Variants in FAM78B observed in about 807,000 individuals in gnomAD.
FAM78B encodes family with sequence similarity 78 member B.
A neutral mutation model predicts 20.0 loss-of-function variants in FAM78B; 10 were observed. That is an observed-to-expected ratio of 0.50 (90% CI 0.31 to 0.85). The LOEUF (loss-of-function observed/expected upper bound fraction) is 0.85. FAM78B is among the 40% of genes least tolerant of loss of function. The probability of loss-of-function intolerance (pLI) is 0.05; values close to 1 mark genes in which losing one functional copy is unlikely to be tolerated. For missense variants in FAM78B, 283 were observed against 345.0 expected, an observed-to-expected ratio of 0.82 and a Z score of 1.42; for synonymous variants, 135 against 132.8, an observed-to-expected ratio of 1.02 and a Z score of -0.12.
At chr1:166,136,558 C>A (rs1182764881) in intron 1 of FAM78B, among the ~76,000 whole-genome samples, 1 of 152,128 alleles carries the variant, frequency 6.6e-6, no homozygotes, top group African/African-American at 2.4e-5. Context: ...CCCCTCTTTA[C>A]AACAGCATAA....
In FAM78B at chr1:166,166,276, G is replaced by A. The variant is rs1179152701; in HGVS notation, c.-28C>T. On this transcript the variant is annotated 5_prime_UTR_variant, in exon 1 of 2. Coordinates refer to ENST00000354422, the MANE Select transcript of FAM78B (RefSeq NM_001017961.5). ...TGCAGCCCGGTGCCGGCACGGCGCGGCGTGGGGCAGCGCGGGGGCCCGCGC... is the reference window on the plus strand; with the variant it reads ...TGCAGCCCGGTGCCGGCACGGCGCGACGTGGGGCAGCGCGGGGGCCCGCGC... 3.8e-5 allele frequency: 49 copies of A among 1,273,888 alleles called. No individual in the cohort carries two copies. The highest frequency in any genetic ancestry group is 4.7e-5 in the Non-Finnish European group (47 of 1,007,844). The allele number at this position is 1,273,888 out of a possible 1,614,324, so 78.9% of individuals were successfully genotyped here.
intron 1 of FAM78B, among the ~76,000 whole-genome samples, chr1:166,094,105 C>A (rs1031898060): frequency 6.6e-6 from 1 of 151,002 alleles, no homozygotes; most frequent in Non-Finnish European, 1.5e-5. Flanking sequence ...GGAAGCAGGA[C>A]GTTGGGATGC....
In FAM78B at chr1:166,131,347, G is replaced by A. The variant is rs1032028001; in HGVS notation, c.263+34639C>T. 4.6e-5 allele frequency among the ~76,000 whole-genome samples: 7 copies of A among 152,162 alleles called. No individual in the cohort carries two copies. In the East Asian group the frequency reaches 1.3e-3, roughly 29 times the overall value. On this transcript the variant is annotated intron_variant, in intron 1 of 1. Coordinates refer to ENST00000354422, the MANE Select transcript of FAM78B (RefSeq NM_001017961.5). ...TAGTGTCTCCAAATTATGTAAGACA[G>A]TGAGAGGCAATGTCAGAAGCCCAGC... is the stretch of plus-strand genomic sequence containing the variant.
intron 1 of FAM78B, among the ~76,000 whole-genome samples, chr1:166,163,365 T>C (rs890950690): frequency 6.6e-6 from 1 of 152,226 alleles, no homozygotes; most frequent in Non-Finnish European, 1.5e-5. Context: ...TCAAATGTTC[T>C]TTTAGAAGCC....
chr1:166,101,151 C>A (rs1286430514), intron 1 of FAM78B, among the ~76,000 whole-genome samples: 2 of 152,194 alleles, frequency 1.3e-5, no homozygotes, highest in Non-Finnish European at 2.9e-5. Context: ...AGAAGGAAAA[C>A]TAACAAACAG....
intron 1 of FAM78B, among the ~76,000 whole-genome samples, chr1:166,072,326 C>A (rs570025207): frequency 6.6e-6 from 1 of 152,270 alleles, no homozygotes; most frequent in South Asian, 2.1e-4. Context: ...GAGGTGACCC[C>A]ACAGCTGCAA....
At chr1:166,101,802 A>C (rs1653531882) in intron 1 of FAM78B, among the ~76,000 whole-genome samples, 1 of 152,178 alleles carries the variant, frequency 6.6e-6, no homozygotes, top group Non-Finnish European at 1.5e-5. Flanking sequence ...ATTATCCAGG[A>C]GAACTTCCCC....
At chr1:166,057,318 C>CAT (rs976312558), downstream of FAM78B, 29 of 152,354 alleles carry the variant, frequency 1.9e-4, no homozygotes, top group Admixed American at 1.2e-3. Flanking sequence ...AGGATTCCTG[C>CAT]ATCTGCCCTC....
At chr1:166,057,822 G>A (rs1220067874) in exon 3 of FAM78B, 2 of 152,222 alleles carry the variant, frequency 1.3e-5, no homozygotes, top group East Asian at 3.8e-4. Flanking sequence ...GTCAGTCATA[G>A]CTGAAAAGAT....
chr1:166,096,673 C>T (rs1396241037), intron 1 of FAM78B, among the ~76,000 whole-genome samples: 1 of 152,168 alleles, frequency 6.6e-6, no homozygotes, highest in Non-Finnish European at 1.5e-5. Context: ...AGGCCTGCCT[C>T]AATGTTCTTG....
chr1:166,093,045 T>C (rs535183235), intron 1 of FAM78B, among the ~76,000 whole-genome samples: 2 of 152,312 alleles, frequency 1.3e-5, no homozygotes, highest in African/African-American at 2.4e-5. Context: ...GTTAAGAATA[T>C]ATTTAAAAAA....
At chr1:166,105,650 A>T (rs897279286) in intron 1 of FAM78B, among the ~76,000 whole-genome samples, 2 of 152,214 alleles carry the variant, frequency 1.3e-5, no homozygotes, top group African/African-American at 4.8e-5. Context: ...TCAAAACCAC[A>T]ATGAGACACT....
chr1:166,075,014 AGT>A (rs1421010665), intron 1 of FAM78B, among the ~76,000 whole-genome samples: 1 of 152,174 alleles, frequency 6.6e-6, no homozygotes, highest in Non-Finnish European at 1.5e-5. Flanking sequence ...CATGGATGTG[AGT>A]GTCCAGGAAA....
chr1:166,154,400 C>T (rs1325296750), intron 1 of FAM78B, among the ~76,000 whole-genome samples: 1 of 152,244 alleles, frequency 6.6e-6, no homozygotes, highest in Admixed American at 6.5e-5. Context: ...CTCCTGCCAT[C>T]TGTGACAGGT....
chr1:166,095,199 C>T (rs185542066), intron 1 of FAM78B, among the ~76,000 whole-genome samples: 270 of 152,302 alleles, frequency 1.8e-3, no homozygotes, highest in African/African-American at 6.1e-3. Context: ...TGCATTTCCC[C>T]GTTCCCAAAG....
intron 1 of FAM78B, among the ~76,000 whole-genome samples, chr1:166,094,047 G>GTGTGTGTGTGTGTGTGTGTGTGTGTGT (rs1460623001): frequency 3.4e-5 from 5 of 147,222 alleles, no homozygotes; most frequent in Non-Finnish European, 4.5e-5. Context: ...GTGTGTGTGT[G>GTGTGTGTGTGTGTGTGTGTGTGTGTGT]GTGTTCTTGA....
intron 1 of FAM78B, among the ~76,000 whole-genome samples, chr1:166,114,021 A>G (rs904427539): frequency 2.0e-5 from 3 of 152,244 alleles, no homozygotes; most frequent in African/African-American, 7.2e-5. Flanking sequence ...GACACCTGTT[A>G]GACATGCAAA....
intron 1 of FAM78B, among the ~76,000 whole-genome samples, chr1:166,162,133 T>C (rs967222057): frequency 6.6e-6 from 1 of 152,192 alleles, no homozygotes; most frequent in African/African-American, 2.4e-5. Context: ...GGTGAGTCTC[T>C]CAAAAGTGTC....
intron 1 of FAM78B, among the ~76,000 whole-genome samples, chr1:166,098,356 A>C (rs951068649): frequency 1.6e-4 from 24 of 152,108 alleles, no homozygotes; most frequent in Admixed American, 1.5e-3. Flanking sequence ...CCAAAATCAC[A>C]CTAGTTCATC....
Sources: gnomAD v4.1 joint callset for allele counts (sites outside exome capture counted in the v4.1 genomes callset) on GRCh38, gnomAD v4.1.1 for gene constraint, MANE v1.5 for transcripts, NCBI Gene and HGNC (gene_info 2026-07-23, HGNC 2026-07-21) for gene names.